NMNAT1: variants seen among roughly 807,000 people sequenced by gnomAD.
NMNAT1 encodes nicotinamide/nicotinic acid mononucleotide adenylyltransferase 1.
A neutral mutation model predicts 16.7 loss-of-function variants in NMNAT1; 11 were observed. That is an observed-to-expected ratio of 0.66 (90% CI 0.41 to 1.09). The LOEUF (loss-of-function observed/expected upper bound fraction) is 1.09, where lower values mean the gene tolerates loss of function less well. Ranked by LOEUF, NMNAT1 falls within the 50% of genes least tolerant of loss-of-function variation. NMNAT1 has a pLI of 0.00. For synonymous variants in NMNAT1, 110 were observed against 119.8 expected (o/e 0.92, Z 0.53); for missense variants, 280 against 332.3 (o/e 0.84, Z 1.22).
chr1:9,995,433 C>A, the NMNAT1 span, among the ~76,000 whole-genome samples: 1 of 151,580 alleles, frequency 6.6e-6, no homozygotes, highest in Non-Finnish European at 1.5e-5. Flanking sequence ...TGGCTCATGC[C>A]TGTAATTCCA....
intron 3 of NMNAT1, 72 bp downstream of exon 3, chr1:9,975,847 A>G (rs1408480308): frequency 8.1e-7 from 1 of 1,233,210 alleles, no homozygotes; most frequent in Non-Finnish European, 1.2e-6. Flanking sequence ...ACCATGTTTC[A>G]ATGTTGCTTA....
rs186889237 is a variant in NMNAT1 at position 9,982,903 on chromosome 1, C to G, written c.*202C>G. 2 of 482,560 alleles carry G rather than the reference C, an allele frequency of 4.1e-6. No homozygotes were observed. Among genetic ancestry groups the G allele is most frequent in the Non-Finnish European group, 3.7e-6 (1 of 269,148 alleles). 29.9% of individuals were successfully genotyped at this position (482,560 alleles called of 1,614,324 possible). A position where few individuals can be genotyped will look rare whatever the true frequency, so the allele number is the denominator to read the frequency against. On this transcript the variant is annotated 3_prime_UTR_variant, in exon 5 of 5. Transcript: ENST00000377205. ...CAGGTGGATCACGGGGTCAAGAGAT[C>G]GAGACCATCCTGGCCAATATGGTGA...
chr1:9,961,876 G>C (rs1641417157), intron 1 of NMNAT1, among the ~76,000 whole-genome samples: 1 of 151,916 alleles, frequency 6.6e-6, no homozygotes, highest in Non-Finnish European at 1.5e-5. Context: ...GGTTCAAGTA[G>C]TTCTGCCTCA....
chr1:9,968,537 C>A (rs1254696190), intron 1 of NMNAT1, among the ~76,000 whole-genome samples: 14 of 51,246 alleles, frequency 2.7e-4, no homozygotes, highest in Non-Finnish European at 7.7e-4. Context: ...GAGGCCGAGG[C>A]AGGTGGATCA....
downstream of NMNAT1, among the ~76,000 whole-genome samples, chr1:9,987,452 A>G (rs1163837131): frequency 6.6e-6 from 1 of 151,914 alleles, no homozygotes; most frequent in Non-Finnish European, 1.5e-5. Context: ...CATCCTGGCT[A>G]ACACAGTGGA....
At chr1:9,993,815 G>C in the NMNAT1 span, among the ~76,000 whole-genome samples, 1 of 152,062 alleles carries the variant, frequency 6.6e-6, no homozygotes, top group Admixed American at 6.6e-5. Context: ...AGGAGAGCTG[G>C]AAAAAATTTT....
chr1:9,977,245 T>C (rs1334584128), intron 3 of NMNAT1, among the ~76,000 whole-genome samples: 2 of 152,022 alleles, frequency 1.3e-5, no homozygotes, highest in African/African-American at 4.8e-5. Flanking sequence ...TTGATTTTTT[T>C]AAACTTTATT....
At chr1:9,945,822 C>T (rs977939115) in intron 1 of NMNAT1, among the ~76,000 whole-genome samples, 8 of 152,202 alleles carry the variant, frequency 5.3e-5, no homozygotes, top group African/African-American at 1.9e-4. Flanking sequence ...GACACGAGCA[C>T]GGCTCACTGC....
intron 1 of NMNAT1, among the ~76,000 whole-genome samples, chr1:9,957,578 A>G (rs1458917609): frequency 6.6e-6 from 1 of 152,206 alleles, no homozygotes; most frequent in Non-Finnish European, 1.5e-5. Flanking sequence ...GGTGTGAGCC[A>G]CCGTGCCCAG....
chr1:9,988,854 T>A (rs951338156), downstream of NMNAT1, among the ~76,000 whole-genome samples: 6 of 151,632 alleles, frequency 4.0e-5, no homozygotes, highest in African/African-American at 1.5e-4. Context: ...TTAGTAGAGA[T>A]GGGGTTTTGT....
At chr1:9,945,262 GA>G (rs903143255) in intron 1 of NMNAT1, among the ~76,000 whole-genome samples, 1 of 151,622 alleles carries the variant, frequency 6.6e-6, no homozygotes, top group Non-Finnish European at 1.5e-5. Flanking sequence ...AACAAAAGAA[GA>G]AAAAAATAAA....
intron 2 of NMNAT1, among the ~76,000 whole-genome samples, chr1:9,974,345 G>A (rs1224439060): frequency 6.6e-6 from 1 of 150,556 alleles, no homozygotes; most frequent in Non-Finnish European, 1.5e-5. Flanking sequence ...CCTGCCTCAG[G>A]CTCCTGAGTA....
the NMNAT1 span, among the ~76,000 whole-genome samples, chr1:9,994,939 G>A: frequency 6.6e-6 from 1 of 151,950 alleles, no homozygotes; most frequent in Non-Finnish European, 1.5e-5. Context: ...GTAGAGATGG[G>A]GTTTCACCAT....
downstream of NMNAT1, among the ~76,000 whole-genome samples, chr1:9,987,456 C>T (rs778756503): frequency 4.6e-5 from 7 of 151,584 alleles, no homozygotes; most frequent in East Asian, 3.9e-4. Flanking sequence ...CTGGCTAACA[C>T]AGTGGAACCC....
At position 9,962,885 on chromosome 1, in the gene NMNAT1, T is replaced by G. The variant is rs557080784; in HGVS notation, c.-56-9133T>G. ...TTTAGTAGAGACAGGGTTTCACCGT[T>G]TTAGCCAGGATGGTCTCGATCTCCT... On this transcript the variant is annotated intron_variant, in intron 1 of 4. Transcript: ENST00000377205. 3.3e-5 allele frequency among the ~76,000 whole-genome samples: 5 copies of G among 151,942 alleles called. No individual in the cohort carries two copies. In the East Asian group the frequency reaches 9.8e-4, roughly 30 times the overall value.
chr1:9,996,035 G>C, the NMNAT1 span, among the ~76,000 whole-genome samples: 1 of 149,846 alleles, frequency 6.7e-6, no homozygotes, highest in Admixed American at 6.8e-5. Context: ...CTCTCTGCCG[G>C]GCGCAGTGGC....
At chr1:9,944,082 G>A (rs974037791) in intron 1 of NMNAT1, among the ~76,000 whole-genome samples, 1 of 151,812 alleles carries the variant, frequency 6.6e-6, no homozygotes, top group African/African-American at 2.4e-5. Context: ...GTGAAACCCC[G>A]TCTCTACTAA....
At chr1:9,962,063 C>T (rs896219370) in intron 1 of NMNAT1, among the ~76,000 whole-genome samples, 1 of 151,938 alleles carries the variant, frequency 6.6e-6, no homozygotes, top group Non-Finnish European at 1.5e-5. Context: ...CTACCGCGCC[C>T]GGACCCCAAG....
At chr1:9,993,891 G>A in the NMNAT1 span, among the ~76,000 whole-genome samples, 8 of 152,228 alleles carry the variant, frequency 5.3e-5, no homozygotes, top group African/African-American at 1.4e-4. Flanking sequence ...AAGTGGAGAC[G>A]TCAAGTAGGA....
Sources: gnomAD v4.1 joint callset for allele counts (sites outside exome capture counted in the v4.1 genomes callset) on GRCh38, gnomAD v4.1.1 for gene constraint, MANE v1.5 for transcripts, NCBI Gene and HGNC (gene_info 2026-07-23, HGNC 2026-07-21) for gene names.